Variants in RCN1 observed in about 807,000 individuals in gnomAD.
RCN1 encodes the protein reticulocalbin 1.
RCN1 carries 14 observed loss-of-function variants against 34.7 expected under a neutral mutation model. The ratio of observed to expected loss-of-function variants is 0.40; its 90% CI spans 0.27 to 0.63. The LOEUF is 0.63. Ranked by LOEUF, RCN1 falls within the 30% of genes least tolerant of loss-of-function variation. The pLI, the probability that RCN1 is intolerant of heterozygous loss-of-function variation, is 0.37. For missense variants in RCN1, 326 were observed against 425.1 expected (o/e 0.77, Z 2.05); for synonymous variants, 125 against 165.5 (o/e 0.76, Z 1.88).
intron 1 of RCN1, among the ~76,000 whole-genome samples, chr11:32,092,576 G>T (rs1851934637): frequency 6.6e-6 from 1 of 152,070 alleles, no homozygotes; most frequent in Non-Finnish European, 1.5e-5. Flanking sequence ...CCAAACCCGG[G>T]AAACAAAACT....
chr11:32,096,917 C>T, intron 1 of RCN1: 1 of 477,226 alleles, frequency 2.1e-6, no homozygotes, highest in Non-Finnish European at 3.6e-6. Flanking sequence ...GATCCATTAG[C>T]AGTGTCTGCC....
chr11:32,098,527 T>G lies in RCN1; in HGVS notation c.626T>G (p.Leu209Trp). ...GAACATATGAAGGAAATTGTGGTTTTGGTAAGATAAGTGAAGAGTCTGGGC... is the reference window on the plus strand; with the variant it reads ...GAACATATGAAGGAAATTGTGGTTTGGGTAAGATAAGTGAAGAGTCTGGGC... Reference protein sequence around the residue: ...EFEHMKEIVVLETLEDIDKNG... With the variant: ...EFEHMKEIVVWETLEDIDKNG... Residue 209 changes from leucine to tryptophan, a missense_variant and splice_region_variant, in exon 3 of 6, where the codon TTG (leucine) becomes TGG (tryptophan). Coordinates refer to ENST00000054950, the MANE Select transcript of RCN1 (RefSeq NM_002901.4). The G allele has an allele frequency of 1.9e-6, 3 of 1,608,486 alleles. No homozygotes were observed. The highest frequency in any genetic ancestry group is 2.5e-6 in the Non-Finnish European group (3 of 1,178,060).
chr11:32,092,275 C>G (rs1235108821), intron 1 of RCN1, among the ~76,000 whole-genome samples: 1 of 152,032 alleles, frequency 6.6e-6, no homozygotes, highest in Non-Finnish European at 1.5e-5. Context: ...CCACTGCACT[C>G]CAGCCGGGGC....
At chr11:32,101,655 G>A (rs72902302) in intron 4 of RCN1, among the ~76,000 whole-genome samples, 2,722 of 152,188 alleles carry the variant, frequency 0.018, 36 homozygotes, top group African/African-American at 0.033. Context: ...TGTGTCATTG[G>A]TAACAGACAA....
rs760871371 is a variant in RCN1, at chr11:32,097,244, A to C, written c.355A>C (p.Asn119His). Reference protein sequence around the residue: ...KRVQKRYIFDNVAKVWKDYDR... With the variant: ...KRVQKRYIFDHVAKVWKDYDR... ...GGTGCAGAAAAGATACATCTTTGAT[A>C]ATGTCGCCAAAGTCTGGAAGGATTA... Residue 119 changes from asparagine to histidine, a missense_variant, in exon 2 of 6, where the codon AAT becomes CAT. Transcript: ENST00000054950. 6 of 1,608,412 alleles carry C rather than the reference A, an allele frequency of 3.7e-6. No homozygotes were observed. In the Admixed American group the frequency reaches 1.0e-4, roughly 27 times the overall value.
chr11:32,091,994 C>G (rs2133471292), intron 1 of RCN1, among the ~76,000 whole-genome samples: 1 of 152,280 alleles, frequency 6.6e-6, no homozygotes, highest in Non-Finnish European at 1.5e-5. Context: ...CCTAATCGCC[C>G]TGTAAATCTA....
chr11:32,091,144 C>T lies in RCN1; in HGVS notation c.-53C>T, dbSNP rs28384414. 6.7e-3 allele frequency: 9,195 copies of T among 1,381,792 alleles called. 282 individuals carry two copies. The South Asian group carries it at 0.074, about 11-fold the overall frequency. 85.6% of individuals were successfully genotyped at this position (1,381,792 alleles called of 1,614,324 possible). A position where few individuals can be genotyped will look rare whatever the true frequency, so the allele number is the denominator to read the frequency against. On this transcript the variant is annotated 5_prime_UTR_variant, in exon 1 of 6. Coordinates refer to ENST00000054950, the MANE Select transcript of RCN1 (RefSeq NM_002901.4). The stretch of plus-strand genomic sequence containing the variant: ...CTCCGAGTCCCCATTCCCGAGCTGC[C>T]GCTGTTGTCGCTCGCTCAGCGTCTC...
At chr11:32,104,060 G>A (rs1273466432) in intron 5 of RCN1, among the ~76,000 whole-genome samples, 1 of 152,216 alleles carries the variant, frequency 6.6e-6, no homozygotes, top group Non-Finnish European at 1.5e-5. Flanking sequence ...GGCTGTAAGA[G>A]GAAAGTGGCA....
intron 3 of RCN1, among the ~76,000 whole-genome samples, chr11:32,099,655 G>A (rs1852013281): frequency 6.6e-6 from 1 of 152,074 alleles, no homozygotes; most frequent in Non-Finnish European, 1.5e-5. Flanking sequence ...TGTTTTCCTG[G>A]GCAGATGCAC....
chr11:32,098,621 T>C, intron 3 of RCN1, 93 bp downstream of exon 3: 5 of 1,033,852 alleles, frequency 4.8e-6, no homozygotes, highest in Non-Finnish European at 6.9e-6. Flanking sequence ...TTTTTCAGCC[T>C]GAAGGGAATT....
chr11:32,096,577 G>A (rs1232416747), intron 1 of RCN1: 2 of 148,992 alleles, frequency 1.3e-5, no homozygotes, highest in Admixed American at 1.3e-4. Flanking sequence ...TACGTTTCAA[G>A]TCTTTGTATC....
intron 1 of RCN1, chr11:32,091,937 G>C (rs552438282): frequency 6.1e-6 from 1 of 163,110 alleles, no homozygotes; most frequent in South Asian, 1.7e-4. Context: ...GGGCAGGCGA[G>C]CGACAGGCTT....
intron 4 of RCN1, among the ~76,000 whole-genome samples, chr11:32,101,666 G>A (rs770933301): frequency 3.9e-5 from 6 of 152,100 alleles, no homozygotes; most frequent in Admixed American, 2.6e-4. Context: ...TAACAGACAA[G>A]GTAGCTCTCG....
At chr11:32,099,818 T>G (rs926849950) in intron 3 of RCN1, among the ~76,000 whole-genome samples, 2 of 152,188 alleles carry the variant, frequency 1.3e-5, no homozygotes, top group Non-Finnish European at 2.9e-5. Context: ...GGGCAGTGGC[T>G]CCAAGAATCA....
At chr11:32,094,076 G>A (rs1273846383) in intron 1 of RCN1, among the ~76,000 whole-genome samples, 3 of 152,190 alleles carry the variant, frequency 2.0e-5, no homozygotes, top group African/African-American at 4.8e-5. Context: ...GGGTAGAGGC[G>A]GGGTAGGAGG....
In RCN1 at chr11:32,105,185, A is replaced by G. The variant is rs1345031869; in HGVS notation, c.*713A>G. On this transcript the variant is annotated 3_prime_UTR_variant, in exon 6 of 6. Coordinates refer to ENST00000054950, the MANE Select transcript of RCN1 (RefSeq NM_002901.4). ...GTCAGACATTTGAAGAACTATAGTA[A>G]AATGATAAACACTAAATATACTTGA... 1.2e-5 allele frequency: 2 copies of G among 167,118 alleles called. No individual in the cohort carries two copies. The highest frequency in any genetic ancestry group is 2.9e-5 in the Non-Finnish European group (2 of 68,132). The allele number at this position is 167,118 out of a possible 1,614,324, so 10.4% of individuals were successfully genotyped here.
Position 32,097,201 on chromosome 11 carries a change from G to A in RCN1, c.312G>A (p.Leu104=), listed in dbSNP as rs1208487001. The A allele has an allele frequency of 6.2e-7, 1 of 1,602,124 alleles. No homozygotes were observed. ...ATGGCTTTGTCACTACTGAGGAGCT[G>A]AAAACCTGGATCAAACGGGTGCAGA... is the stretch of plus-strand genomic sequence containing the variant. ...DGDGFVTTEE[L]KTWIKRVQKR... is the part of the protein sequence containing the mutation. Residue 104 remains leucine (L), a synonymous_variant, in exon 2 of 6, where the codon CTG becomes CTA. Transcript: ENST00000054950.
chr11:32,100,564 T>C lies in RCN1; in HGVS notation c.644T>C (p.Ile215Thr). The change falls in exon 4 of 6, where the codon ATC becomes ACC. Residue 215 changes from isoleucine to threonine, a missense_variant. By Grantham distance (89) the Ile-to-Thr change is moderately conservative. Coordinates refer to ENST00000054950, the MANE Select transcript of RCN1 (RefSeq NM_002901.4). ...GCTTCCTAGGAAACCCTGGAGGACA[T>C]CGACAAGAACGGGGATGGGTTTGTG... ...EIVVLETLED[I>T]DKNGDGFVDQ... 6.2e-7 allele frequency: 1 copy of C among 1,614,058 alleles called. No individual in the cohort carries two copies.
chr11:32,092,113 G>C (rs1018842120), intron 1 of RCN1, among the ~76,000 whole-genome samples: 41 of 151,900 alleles, frequency 2.7e-4, no homozygotes, highest in African/African-American at 9.2e-4. Context: ...TTCGAGACCA[G>C]CCTGACCAAA....
Sources: allele counts gnomAD v4.1 joint callset (sites outside exome capture counted in the v4.1 genomes callset), GRCh38; gene constraint gnomAD v4.1.1; transcripts MANE v1.5; gene names NCBI Gene and HGNC (gene_info 2026-07-23, HGNC 2026-07-21).